Variants in TEC observed in about 807,000 individuals in gnomAD.
TEC encodes tyrosine-protein kinase Tec.
TEC carries 72 observed loss-of-function variants against 93.0 expected under a neutral mutation model. The observed-to-expected ratio is 0.77, with a 90% CI of 0.64 to 0.94. TEC has a LOEUF of 0.94. TEC is among the 40% of genes least tolerant of loss of function. The pLI is 0.00. For synonymous variants in TEC, 249 were observed against 247.7 expected, an observed-to-expected ratio of 1.01 and a Z score of -0.05; for missense variants, 630 against 757.9, an observed-to-expected ratio of 0.83 and a Z score of 1.98.
At chr4:48,207,127 G>T (rs552765630) in intron 2 of TEC, among the ~76,000 whole-genome samples, 9 of 152,304 alleles carry the variant, frequency 5.9e-5, no homozygotes, top group Non-Finnish European at 1.3e-4. Flanking sequence ...AAAAGGATGG[G>T]CATTCCAGGT....
intron 3 of TEC, among the ~76,000 whole-genome samples, chr4:48,172,219 T>C (rs914426021): frequency 2.0e-5 from 3 of 152,080 alleles, no homozygotes; most frequent in Admixed American, 2.0e-4. Context: ...CCTGGGAAAC[T>C]AAGCCAGAAA....
intron 2 of TEC, among the ~76,000 whole-genome samples, chr4:48,206,797 A>G (rs1211704568): frequency 6.6e-6 from 1 of 151,488 alleles, no homozygotes; most frequent in East Asian, 1.9e-4. Flanking sequence ...AAAAAAAAAA[A>G]AAATGAAAAC....
intron 7 of TEC, among the ~76,000 whole-genome samples, chr4:48,164,572 T>C (rs1442176574): frequency 2.8e-5 from 4 of 145,298 alleles, no homozygotes; most frequent in Non-Finnish European, 6.1e-5. Flanking sequence ...CACACACAAA[T>C]GTGTGCATAC....
chr4:48,146,497 C>A, intron 11 of TEC, 98 bp from the exon 12 acceptor site: 2 of 1,029,012 alleles, frequency 1.9e-6, no homozygotes, highest in South Asian at 1.3e-5. Flanking sequence ...ATCATTTATT[C>A]ATTTACTGCT....
At chr4:48,268,051 C>T (rs1724685204) in intron 1 of TEC, among the ~76,000 whole-genome samples, 1 of 152,236 alleles carries the variant, frequency 6.6e-6, no homozygotes, top group Non-Finnish European at 1.5e-5. Context: ...ACCTCCCTAT[C>T]AAGGGTCAAC....
intron 1 of TEC, among the ~76,000 whole-genome samples, chr4:48,235,539 C>T (rs1723761216): frequency 6.6e-6 from 1 of 152,118 alleles, no homozygotes; most frequent in Admixed American, 6.5e-5. Flanking sequence ...CCTTCAATCC[C>T]AAACTACAAA....
chr4:48,139,715 A>G (rs1719582674), intron 15 of TEC, among the ~76,000 whole-genome samples: 1 of 152,236 alleles, frequency 6.6e-6, no homozygotes, highest in Admixed American at 6.5e-5. Context: ...TGGTAGATGA[A>G]AAGACTTCAG....
chr4:48,213,199 C>G (rs972903047), intron 2 of TEC, among the ~76,000 whole-genome samples: 1 of 152,178 alleles, frequency 6.6e-6, no homozygotes, highest in Non-Finnish European at 1.5e-5. Context: ...GGGAAAAATT[C>G]CTTTCCAATA....
intron 2 of TEC, among the ~76,000 whole-genome samples, chr4:48,215,469 T>C (rs1464887180): frequency 6.6e-6 from 1 of 152,248 alleles, no homozygotes; most frequent in Non-Finnish European, 1.5e-5. Flanking sequence ...ATTGCGCCAC[T>C]GTACTCCAGT....
At chr4:48,191,947 G>A (rs1210981718) in intron 2 of TEC, among the ~76,000 whole-genome samples, 1 of 152,102 alleles carries the variant, frequency 6.6e-6, no homozygotes, top group Non-Finnish European at 1.5e-5. Context: ...AGATATGCAG[G>A]TGAAGTCTAA....
At chr4:48,194,052 C>T (rs1251429762) in intron 2 of TEC, among the ~76,000 whole-genome samples, 2 of 152,184 alleles carry the variant, frequency 1.3e-5, no homozygotes, top group Non-Finnish European at 1.5e-5. Context: ...TCCCACCCCA[C>T]CTCCTGGTAT....
chr4:48,169,923 T>C (rs1010293443), intron 5 of TEC, among the ~76,000 whole-genome samples: 3 of 152,224 alleles, frequency 2.0e-5, no homozygotes, highest in Non-Finnish European at 4.4e-5. Context: ...ATGAGGTTTC[T>C]AGCTCCACAT....
chr4:48,249,234 T>C (rs561931081), intron 1 of TEC, among the ~76,000 whole-genome samples: 1 of 152,324 alleles, frequency 6.6e-6, no homozygotes. Flanking sequence ...CATTTCATAA[T>C]GGCTTAGTAA....
intron 2 of TEC, among the ~76,000 whole-genome samples, chr4:48,187,225 G>A (rs1721913140): frequency 6.6e-6 from 1 of 152,156 alleles, no homozygotes; most frequent in Non-Finnish European, 1.5e-5. Context: ...ACAGATGCTT[G>A]AAGGCAGCAT....
intron 2 of TEC, among the ~76,000 whole-genome samples, chr4:48,201,538 T>C (rs900910279): frequency 1.3e-5 from 2 of 152,032 alleles, no homozygotes; most frequent in African/African-American, 4.8e-5. Context: ...CCAGAAAGGA[T>C]ACAGGAAAAC....
At chr4:48,250,071 G>A (rs771444638) in intron 1 of TEC, among the ~76,000 whole-genome samples, 1 of 152,168 alleles carries the variant, frequency 6.6e-6, no homozygotes, top group Non-Finnish European at 1.5e-5. Flanking sequence ...ACCTCAGATT[G>A]CTGTATCCAA....
chr4:48,187,648 T>C (rs1721936592), intron 2 of TEC, among the ~76,000 whole-genome samples: 1 of 152,178 alleles, frequency 6.6e-6, no homozygotes, highest in Non-Finnish European at 1.5e-5. Context: ...CAACTCTCCT[T>C]TGTGGCCCCA....
chr4:48,190,535 G>A (rs1722056511), intron 2 of TEC, among the ~76,000 whole-genome samples: 1 of 152,154 alleles, frequency 6.6e-6, no homozygotes, highest in East Asian at 1.9e-4. Context: ...TATAATCGAG[G>A]TAGGAAATAA....
At chr4:48,140,933 A>T (rs1019468320) in intron 15 of TEC, among the ~76,000 whole-genome samples, 1 of 152,170 alleles carries the variant, frequency 6.6e-6, no homozygotes, top group Non-Finnish European at 1.5e-5. Context: ...CCTGGCACAG[A>T]GCAGGCACCT....
Sources: allele counts gnomAD v4.1 joint callset (sites outside exome capture counted in the v4.1 genomes callset), GRCh38; gene constraint gnomAD v4.1.1; transcripts MANE v1.5; gene names NCBI Gene and HGNC (gene_info 2026-07-23, HGNC 2026-07-21).